The following RIMS1 variants were observed in gnomAD, a reference collection of about 807,000 sequenced individuals.
The protein encoded by RIMS1 is regulating synaptic membrane exocytosis 1.
In RIMS1, 83 loss-of-function variants were observed where a neutral mutation model predicts 214.1. The observed-to-expected ratio is 0.39, with a 90% CI of 0.32 to 0.47. RIMS1 has a LOEUF of 0.47. Among genes scored for constraint, RIMS1 ranks in the 20% least tolerant of loss-of-function variants. The pLI is 0.99. For missense variants in RIMS1, 2,050 were observed against 2,161.8 expected, an observed-to-expected ratio of 0.95 and a Z score of 1.03; for synonymous variants, 793 against 786.8, an observed-to-expected ratio of 1.01 and a Z score of -0.13.
At chr6:71,975,651 C>T (rs1460835997) in intron 2 of RIMS1, among the ~76,000 whole-genome samples, 2 of 152,100 alleles carry the variant, frequency 1.3e-5, no homozygotes, top group East Asian at 3.9e-4. Flanking sequence ...AAAAGCTGTG[C>T]AGCCATCATC....
chr6:72,378,189 C>G (rs900747886), intron 29 of RIMS1, among the ~76,000 whole-genome samples: 4 of 152,152 alleles, frequency 2.6e-5, no homozygotes, highest in African/African-American at 4.8e-5. Context: ...CACATCTCTC[C>G]TAGATCAATT....
intron 26 of RIMS1, among the ~76,000 whole-genome samples, chr6:72,305,405 CTG>C (rs2095055621): frequency 6.6e-6 from 1 of 152,030 alleles, no homozygotes; most frequent in Non-Finnish European, 1.5e-5. Context: ...CCATTTAAGT[CTG>C]TTTTTATTAC....
chr6:72,386,315 G>T (rs1432901672), intron 29 of RIMS1, among the ~76,000 whole-genome samples: 1 of 152,198 alleles, frequency 6.6e-6, no homozygotes, highest in Non-Finnish European at 1.5e-5. Flanking sequence ...GTTAGATAAT[G>T]CAAGATAAGT....
At chr6:72,287,875 C>T (rs999949458) in intron 24 of RIMS1, among the ~76,000 whole-genome samples, 7 of 152,228 alleles carry the variant, frequency 4.6e-5, no homozygotes, top group South Asian at 2.1e-4. Flanking sequence ...CCACCACGCG[C>T]GGCCGCAAAC....
At chr6:72,181,681 G>C (rs981659625) in intron 5 of RIMS1, among the ~76,000 whole-genome samples, 3 of 152,348 alleles carry the variant, frequency 2.0e-5, no homozygotes, top group South Asian at 4.1e-4. Flanking sequence ...ACAGAAGCAG[G>C]AAGAGAGGTG....
Position 72,155,591 on chromosome 6 carries a change from A to G in RIMS1, c.472-23984A>G. ...AGTTCCACATGGCTGGGGAAGCCCC[A>G]CAATCATGGTGGAAGGCAAGGAGCA... On this transcript the variant is annotated intron_variant, in intron 4 of 33. Transcript: ENST00000521978. Among the ~76,000 whole-genome samples the G allele has an allele frequency of 1.4e-5, 2 of 141,510 alleles. 1 individual carries two copies. Among genetic ancestry groups the G allele is most frequent in the Non-Finnish European group, 3.2e-5 (2 of 62,216 alleles). 92.8% of individuals were successfully genotyped at this position (141,510 alleles called of 152,430 possible).
At chr6:71,918,328 TA>T (rs1434735254) in intron 1 of RIMS1, among the ~76,000 whole-genome samples, 1 of 152,088 alleles carries the variant, frequency 6.6e-6, no homozygotes, top group Non-Finnish European at 1.5e-5. Context: ...GAATCATTTT[TA>T]AGAAGGGTAG....
At chr6:72,167,782 C>T (rs1320309255) in intron 4 of RIMS1, among the ~76,000 whole-genome samples, 1 of 151,870 alleles carries the variant, frequency 6.6e-6, no homozygotes, top group African/African-American at 2.4e-5. Context: ...GTAGTGCTGT[C>T]CTTTCTTTGA....
At position 72,059,866 on chromosome 6, in the gene RIMS1, T is replaced by C. The variant is rs542518220; in HGVS notation, c.246-37083T>C. ...CAGTTTTTCTGGAATAACTGAAATA[T>C]TTGGCAGAATTGGATATGCCAAATT... On this transcript the variant is annotated intron_variant, in intron 2 of 33. Transcript: ENST00000521978. Among the ~76,000 whole-genome samples the C allele has an allele frequency of 3.9e-5, 6 of 152,304 alleles. No individual in the cohort carries two copies. The South Asian group carries it at 1.2e-3, about 32-fold the overall frequency.
chr6:72,382,175 G>A (rs1018754773), intron 29 of RIMS1, among the ~76,000 whole-genome samples: 1 of 152,160 alleles, frequency 6.6e-6, no homozygotes, highest in African/African-American at 2.4e-5. Context: ...GAGAGAAAAT[G>A]AGGAAAACAA....
chr6:72,278,603 CTTA>C (rs2088088598), intron 23 of RIMS1, among the ~76,000 whole-genome samples: 1 of 152,086 alleles, frequency 6.6e-6, no homozygotes, highest in Non-Finnish European at 1.5e-5. Context: ...CAGTACATTA[CTTA>C]TTATTTCTTT....
chr6:72,392,685 C>G lies in RIMS1; in HGVS notation c.4506-13C>G, dbSNP rs1206299630. The G allele has an allele frequency of 6.4e-7, 1 of 1,574,494 alleles. No individual in the cohort carries two copies. Among genetic ancestry groups the G allele is most frequent in the Non-Finnish European group, 8.7e-7 (1 of 1,143,814 alleles). On this transcript the variant is annotated splice_polypyrimidine_tract_variant and intron_variant, in intron 30 of 33. Transcript: ENST00000521978. ...TGGGTTTTTTCCTTTGGTTTTTATC[C>G]TTTTGCTGATAGTTTAATATTTCCT...
intron 22 of RIMS1, among the ~76,000 whole-genome samples, chr6:72,271,282 A>ATATATATAT (rs751448635): frequency 2.9e-5 from 2 of 68,332 alleles, no homozygotes; most frequent in Admixed American, 1.6e-4. Flanking sequence ...AAAAAAAAAA[A>ATATATATAT]AAAAATATAT....
chr6:71,970,384 A>G (rs1795563878), intron 2 of RIMS1, among the ~76,000 whole-genome samples: 1 of 152,218 alleles, frequency 6.6e-6, no homozygotes, highest in African/African-American at 2.4e-5. Context: ...AGGAATTAGA[A>G]AACATTTTAT....
intron 4 of RIMS1, among the ~76,000 whole-genome samples, chr6:72,109,949 T>A (rs2035681295): frequency 6.6e-6 from 1 of 152,148 alleles, no homozygotes; most frequent in Admixed American, 6.5e-5. Context: ...CACCATTTAT[T>A]AAATAGGGAA....
At chr6:72,367,171 C>T (rs1170852059) in intron 29 of RIMS1, among the ~76,000 whole-genome samples, 1 of 152,168 alleles carries the variant, frequency 6.6e-6, no homozygotes, top group East Asian at 1.9e-4. Context: ...GATTTTAAAG[C>T]TGGATTTGAA....
intron 29 of RIMS1, among the ~76,000 whole-genome samples, chr6:72,388,814 T>TG (rs1380150610): frequency 6.6e-6 from 1 of 152,130 alleles, no homozygotes; most frequent in African/African-American, 2.4e-5. Flanking sequence ...CCATTTACTG[T>TG]GGGAGGAGGA....
intron 6 of RIMS1, among the ~76,000 whole-genome samples, chr6:72,232,973 T>C (rs895332099): frequency 1.3e-5 from 2 of 151,834 alleles, no homozygotes; most frequent in African/African-American, 4.8e-5. Context: ...AAAAATTTTA[T>C]TGAGTTAATC....
intron 2 of RIMS1, among the ~76,000 whole-genome samples, chr6:72,080,347 A>G (rs1833052004): frequency 6.6e-6 from 1 of 152,174 alleles, no homozygotes; most frequent in Non-Finnish European, 1.5e-5. Flanking sequence ...GGGAGAGTTA[A>G]AGCAAGGTAG....
Sources: gnomAD v4.1 joint callset for allele counts (sites outside exome capture counted in the v4.1 genomes callset) on GRCh38, gnomAD v4.1.1 for gene constraint, MANE v1.5 for transcripts, NCBI Gene and HGNC (gene_info 2026-07-23, HGNC 2026-07-21) for gene names.